TDRD10: variants seen among roughly 807,000 people sequenced by gnomAD.
The protein encoded by TDRD10 is tudor domain containing 10.
Under a neutral mutation model 48.0 loss-of-function variants are expected in TDRD10, and 40 were observed. That is an observed-to-expected ratio of 0.83 (90% CI 0.65 to 1.09). The LOEUF (loss-of-function observed/expected upper bound fraction) is 1.09. TDRD10 is among the 50% of genes least tolerant of loss of function. The pLI, the probability that TDRD10 is intolerant of heterozygous loss-of-function variation, is 0.00. For missense variants in TDRD10, 378 were observed against 434.7 expected (o/e 0.87, Z 1.16); for synonymous variants, 162 against 170.4 (o/e 0.95, Z 0.38).
intron 6 of TDRD10, among the ~76,000 whole-genome samples, chr1:154,535,581 G>C (rs1435216151): frequency 5.9e-5 from 9 of 151,396 alleles, no homozygotes; most frequent in Non-Finnish European, 1.5e-5. Context: ...TGGTGAGGCT[G>C]AGATGGGAGG....
intron 6 of TDRD10, among the ~76,000 whole-genome samples, chr1:154,529,055 T>G (rs1349005313): frequency 6.6e-6 from 1 of 152,196 alleles, no homozygotes; most frequent in Non-Finnish European, 1.5e-5. Flanking sequence ...CTATATACAT[T>G]TAGATCCAAG....
In TDRD10 at chr1:154,520,299, T is replaced by C. The variant is rs753587170; in HGVS notation, c.142-5T>C. 1 of 1,610,956 alleles carries C rather than the reference T, an allele frequency of 6.2e-7. No individual in the cohort carries two copies. Among genetic ancestry groups the C allele is most frequent in the Non-Finnish European group, 8.5e-7 (1 of 1,177,088 alleles). On this transcript the variant is annotated splice_region_variant and splice_polypyrimidine_tract_variant and intron_variant, in intron 4 of 12. Coordinates refer to ENST00000368482, the MANE Select transcript of TDRD10 (RefSeq NM_182499.4). ...GTCTCTCTCTTTTAAACCCTGCTGTTGTAGGAGGAAATTCTGTACCTTCTA... is the reference window on the plus strand; with the variant it reads ...GTCTCTCTCTTTTAAACCCTGCTGTCGTAGGAGGAAATTCTGTACCTTCTA...
chr1:154,511,111 G>A (rs1032280811), intron 4 of TDRD10, among the ~76,000 whole-genome samples: 1 of 150,384 alleles, frequency 6.6e-6, no homozygotes, highest in African/African-American at 2.4e-5. Context: ...TAACTTTTTT[G>A]TTTGTTTGTT....
chr1:154,533,386 G>A lies in TDRD10; in HGVS notation c.370-8638G>A, dbSNP rs548567104. 3.5e-5 allele frequency among the ~76,000 whole-genome samples: 5 copies of A among 141,286 alleles called. No homozygotes were observed. The East Asian group carries it at 1.0e-3, about 29-fold the overall frequency. The allele number at this position is 141,286 out of a possible 152,430, so 92.7% of individuals were successfully genotyped here. A position where few individuals can be genotyped will look rare whatever the true frequency, so the allele number is the denominator to read the frequency against. Reference sequence around the variant, plus strand: ...TTTTTTTTTTTCTGGACCTACTGGTGTTTCTGGGTTGCTGGCCTCTTCAAT... The same window carrying A: ...TTTTTTTTTTTCTGGACCTACTGGTATTTCTGGGTTGCTGGCCTCTTCAAT... On this transcript the variant is annotated intron_variant, in intron 6 of 12. Transcript: ENST00000368482.
intron 3 of TDRD10, among the ~76,000 whole-genome samples, 157 bp from the exon 4 acceptor site, chr1:154,508,266 G>A (rs1008469107): frequency 6.6e-6 from 1 of 152,164 alleles, no homozygotes; most frequent in Admixed American, 6.5e-5. Context: ...TGTAATTCCA[G>A]GACTTTGGGA....
At chr1:154,541,844 G>A (rs1695250423) in intron 6 of TDRD10, 180 bp from the exon 7 acceptor site, 1 of 566,654 alleles carries the variant, frequency 1.8e-6, no homozygotes, top group East Asian at 3.1e-5. Flanking sequence ...CTTTGGGTTG[G>A]CTCAGGATGC....
chr1:154,516,863 C>T (rs911258916), intron 4 of TDRD10, among the ~76,000 whole-genome samples: 4 of 152,148 alleles, frequency 2.6e-5, no homozygotes, highest in African/African-American at 4.8e-5. Context: ...GGGAGGTTGG[C>T]TTGAGCCTGG....
intron 6 of TDRD10, among the ~76,000 whole-genome samples, chr1:154,536,606 G>A (rs1694931124): frequency 6.6e-6 from 1 of 152,156 alleles, no homozygotes; most frequent in South Asian, 2.1e-4. Flanking sequence ...TTTGACCAGT[G>A]CGTGCAGCAT....
chr1:154,511,652 A>C (rs1363396975), intron 4 of TDRD10, among the ~76,000 whole-genome samples: 1 of 152,098 alleles, frequency 6.6e-6, no homozygotes, highest in African/African-American at 2.4e-5. Flanking sequence ...GTTCGAGACC[A>C]GCCTGGCCAA....
intron 11 of TDRD10, 69 bp from the exon 12 acceptor site, chr1:154,547,340 C>T: frequency 6.3e-7 from 1 of 1,577,394 alleles, no homozygotes; most frequent in Non-Finnish European, 8.7e-7. Flanking sequence ...CCGCCTTTTG[C>T]TTCCCTCCTT....
chr1:154,542,997 C>T (rs555372553), intron 8 of TDRD10, among the ~76,000 whole-genome samples, 176 bp downstream of exon 8: 19 of 152,198 alleles, frequency 1.2e-4, no homozygotes, highest in Admixed American at 3.9e-4. Flanking sequence ...GCTTCCCAGC[C>T]GGGGGCAGTG....
At chr1:154,514,601 A>G (rs938882256) in intron 4 of TDRD10, among the ~76,000 whole-genome samples, 13 of 152,096 alleles carry the variant, frequency 8.5e-5, no homozygotes, top group Non-Finnish European at 1.6e-4. Flanking sequence ...CCTGGCACCT[A>G]TTGTCATGCC....
At chr1:154,515,319 G>T (rs548113999) in intron 4 of TDRD10, among the ~76,000 whole-genome samples, 19 of 152,158 alleles carry the variant, frequency 1.2e-4, no homozygotes, top group African/African-American at 4.6e-4. Context: ...CTTCTTCCCT[G>T]CTCCCCTGCA....
chr1:154,514,805 G>A (rs886124046), intron 4 of TDRD10, among the ~76,000 whole-genome samples: 3 of 151,804 alleles, frequency 2.0e-5, no homozygotes, highest in Admixed American at 6.6e-5. Context: ...CCCCTATCTC[G>A]GCTTCCCATG....
intron 4 of TDRD10, among the ~76,000 whole-genome samples, chr1:154,519,439 T>C (rs1693937899): frequency 6.6e-6 from 1 of 152,188 alleles, no homozygotes; most frequent in South Asian, 2.1e-4. Context: ...TTGTGAAATT[T>C]TATAATCATT....
At chr1:154,523,697 C>A (rs946990766) in intron 6 of TDRD10, among the ~76,000 whole-genome samples, 1 of 152,214 alleles carries the variant, frequency 6.6e-6, no homozygotes, top group Non-Finnish European at 1.5e-5. Context: ...ACATCTTTAA[C>A]TCCATTGCCC....
At chr1:154,509,095 C>CTTT (rs59771172) in intron 4 of TDRD10, among the ~76,000 whole-genome samples, 19,731 of 127,024 alleles carry the variant, frequency 0.16, 2,306 homozygotes, top group South Asian at 0.21. Flanking sequence ...CACCTCCTGA[C>CTTT]TTTTTTTTTT....
chr1:154,547,980 TG>T lies in TDRD10; in HGVS notation c.*273del. On this transcript the variant is annotated 3_prime_UTR_variant, in exon 13 of 13. Transcript: ENST00000368482. Reference sequence around the variant, plus strand: ...CATTAGGTTGAAAGCCTGAGGCAGCTGGGATGGTCTTTCTTGTGTCTCTTCT... The same window carrying T: ...CATTAGGTTGAAAGCCTGAGGCAGCTGGATGGTCTTTCTTGTGTCTCTTCT... 1 of 546,226 alleles carries T rather than the reference TG, an allele frequency of 1.8e-6. No homozygotes were observed. Among genetic ancestry groups the T allele is most frequent in the Non-Finnish European group, 3.2e-6 (1 of 308,436 alleles). The allele number at this position is 546,226 out of a possible 1,614,324, so 33.8% of individuals were successfully genotyped here.
chr1:154,543,363 C>T (rs892948202), intron 8 of TDRD10, among the ~76,000 whole-genome samples: 10 of 152,312 alleles, frequency 6.6e-5, no homozygotes, highest in Middle Eastern at 3.4e-3. Context: ...CCCTGGATGC[C>T]ATGAGATCAT....
Sources: gnomAD v4.1 joint callset for allele counts (sites outside exome capture counted in the v4.1 genomes callset) on GRCh38, gnomAD v4.1.1 for gene constraint, MANE v1.5 for transcripts, NCBI Gene and HGNC (gene_info 2026-07-23, HGNC 2026-07-21) for gene names.